Variants in ANKS1A observed in about 807,000 individuals in gnomAD.
The protein encoded by ANKS1A is ankyrin repeat and SAM domain-containing protein 1A.
A neutral mutation model predicts 120.3 loss-of-function variants in ANKS1A; 55 were observed. The ratio of observed to expected loss-of-function variants is 0.46; its 90% confidence interval spans 0.37 to 0.57. The LOEUF is 0.57. Ranked by LOEUF, ANKS1A falls within the 20% of genes least tolerant of loss-of-function variation. The probability of loss-of-function intolerance (pLI) is 0.00; values close to 1 mark genes in which losing one functional copy is unlikely to be tolerated. For synonymous variants in ANKS1A, 590 were observed against 604.7 expected (o/e 0.98, Z 0.36); for missense variants, 1,123 against 1,480.3 (o/e 0.76, Z 3.96).
At chr6:34,975,761 A>AT (rs1771540496) in intron 3 of ANKS1A, among the ~76,000 whole-genome samples, 1 of 152,012 alleles carries the variant, frequency 6.6e-6, no homozygotes, top group African/African-American at 2.4e-5. Flanking sequence ...CTCAAAAAAA[A>AT]AATAATAATA....
chr6:35,045,101 A>T (rs1775656721), intron 11 of ANKS1A, among the ~76,000 whole-genome samples: 1 of 152,246 alleles, frequency 6.6e-6, no homozygotes, highest in Admixed American at 6.5e-5. Flanking sequence ...ATCCATGCTT[A>T]CAGCAGCAAT....
intron 10 of ANKS1A, among the ~76,000 whole-genome samples, chr6:34,997,956 G>T (rs1055993177): frequency 1.3e-5 from 2 of 152,226 alleles, no homozygotes; most frequent in African/African-American, 4.8e-5. Flanking sequence ...GCTAAGTGTT[G>T]AGAGTGGGTG....
At chr6:34,956,919 T>C (rs1770401091) in intron 1 of ANKS1A, among the ~76,000 whole-genome samples, 1 of 152,194 alleles carries the variant, frequency 6.6e-6, no homozygotes, top group South Asian at 2.1e-4. Context: ...CACCTCTTTA[T>C]ACAGAATTTG....
At chr6:35,002,623 AT>A (rs776216996) in intron 10 of ANKS1A, among the ~76,000 whole-genome samples, 2 of 152,042 alleles carry the variant, frequency 1.3e-5, no homozygotes, top group Non-Finnish European at 2.9e-5. Flanking sequence ...CAGTCTCTAA[AT>A]GTTATGTTTG....
intron 3 of ANKS1A, among the ~76,000 whole-genome samples, chr6:34,975,698 A>G (rs1476074167): frequency 3.3e-5 from 5 of 152,052 alleles, no homozygotes; most frequent in Non-Finnish European, 5.9e-5. Flanking sequence ...CAGGAGGTTG[A>G]GGCTGCAGTG....
chr6:35,084,879 A>C lies in ANKS1A; in HGVS notation c.3132+621A>C, dbSNP rs1777882006. Among the ~76,000 whole-genome samples the C allele has an allele frequency of 6.6e-6, 1 of 152,216 alleles. No homozygotes were observed. The highest frequency in any genetic ancestry group is 2.4e-5 in the African/African-American group (1 of 41,460). On this transcript the variant is annotated intron_variant, in intron 21 of 23. Transcript: ENST00000360359. This position sits in a 1 kb window ranked among gnomAD's most constrained non-coding sequence, Gnocchi z 4.8. ...CCACAGGGAGCAGACCAGAACTGAC[A>C]GCCCACAGGCGGGGGTTCCCTCTAA...
At chr6:35,046,173 T>C (rs558164849) in intron 11 of ANKS1A, among the ~76,000 whole-genome samples, 128 of 152,266 alleles carry the variant, frequency 8.4e-4, no homozygotes, top group African/African-American at 2.3e-3. Context: ...TCCCAGGGTG[T>C]ACTCATCCTG....
intron 1 of ANKS1A, among the ~76,000 whole-genome samples, chr6:34,949,852 TG>T (rs1200286624): frequency 6.6e-6 from 1 of 152,224 alleles, no homozygotes; most frequent in East Asian, 1.9e-4. Context: ...TCAGAAGCAG[TG>T]GGGAGTAATT....
intron 10 of ANKS1A, among the ~76,000 whole-genome samples, chr6:35,004,057 C>A (rs941061866): frequency 6.6e-6 from 1 of 152,102 alleles, no homozygotes; most frequent in African/African-American, 2.4e-5. Context: ...TAAAACTTCC[C>A]GGTCTGTTCT....
intron 1 of ANKS1A, among the ~76,000 whole-genome samples, chr6:34,900,870 T>C (rs1368032836): frequency 6.6e-6 from 1 of 152,098 alleles, no homozygotes; most frequent in African/African-American, 2.4e-5. Context: ...GCAAATTCCC[T>C]GGAACACAGG....
intron 1 of ANKS1A, among the ~76,000 whole-genome samples, chr6:34,904,548 A>G (rs757886480): frequency 1.3e-5 from 2 of 152,102 alleles, no homozygotes; most frequent in African/African-American, 2.4e-5. Flanking sequence ...CCTGGCTAAC[A>G]TGGCGAAATC....
intron 1 of ANKS1A, among the ~76,000 whole-genome samples, chr6:34,907,998 C>T (rs1351988685): frequency 6.6e-6 from 1 of 152,010 alleles, no homozygotes; most frequent in East Asian, 1.9e-4. Context: ...ACAAGACTCA[C>T]CTGGGCAACA....
In ANKS1A at chr6:35,084,858, A is replaced by G. The variant is rs2762340; in HGVS notation, c.3132+600A>G. ...AGTTCATTCTCACACAGCTGCCCAC[A>G]GGGAGCAGACCAGAACTGACAGCCC... On this transcript the variant is annotated intron_variant, in intron 21 of 23. Coordinates refer to ENST00000360359, the MANE Select transcript of ANKS1A (RefSeq NM_015245.3). The surrounding 1 kb of genome is among the most constrained non-coding windows in gnomAD (Gnocchi z 4.8). 0.37 allele frequency among the ~76,000 whole-genome samples: 56,887 copies of G among 152,108 alleles called. 13,390 individuals are homozygous for G. The highest frequency in any genetic ancestry group is 0.5 in the Middle Eastern group (146 of 294).
At position 34,970,011 on chromosome 6, in the gene ANKS1A, G is replaced by C; in HGVS notation, c.280G>C (p.Asp94His). Residue 94 changes from aspartate to histidine, a missense_variant and splice_region_variant, in exon 3 of 24, where the codon GAT (aspartate) becomes CAT (histidine). Physicochemically the swap from Asp to His is moderately conservative, Grantham distance 81. Around this residue, in one of 3 missense-constraint regions of ANKS1A, gnomAD observed 146 missense variants for 267.8 expected, o/e 0.55. Transcript: ENST00000360359. ...LHHAALNGHK[D>H]VVEVLLRNDA... ...TCATGATTGATTTTTGCCTTCTAGG[G>C]ATGTGGTCGAGGTTCTTCTGAGGAA... 1 of 1,613,066 alleles carries C rather than the reference G, an allele frequency of 6.2e-7. No individual in the cohort carries two copies. The highest frequency in any genetic ancestry group is 1.3e-5 in the African/African-American group (1 of 74,986).
At chr6:34,985,488 C>G (rs752775392) in intron 8 of ANKS1A, among the ~76,000 whole-genome samples, 19 of 152,198 alleles carry the variant, frequency 1.2e-4, no homozygotes, top group Non-Finnish European at 1.9e-4. Context: ...GTTAGAGTTT[C>G]ATTTTTTCTA....
chr6:35,061,378 G>A (rs962416692), intron 13 of ANKS1A, among the ~76,000 whole-genome samples: 6 of 152,218 alleles, frequency 3.9e-5, no homozygotes, highest in East Asian at 1.9e-4. Flanking sequence ...CACCCGCTCC[G>A]AGGGGATCTC....
At chr6:34,978,462 C>T (rs1177700239) in intron 3 of ANKS1A, among the ~76,000 whole-genome samples, 1 of 152,170 alleles carries the variant, frequency 6.6e-6, no homozygotes, top group African/African-American at 2.4e-5. Flanking sequence ...TGTGCTGCTC[C>T]TTAGAATCCT....
intron 1 of ANKS1A, among the ~76,000 whole-genome samples, chr6:34,914,491 A>AT (rs1768065485): frequency 6.6e-6 from 1 of 152,116 alleles, no homozygotes; most frequent in Non-Finnish European, 1.5e-5. Flanking sequence ...TGTTCAGTGT[A>AT]TTTTTTTATT....
At chr6:35,011,956 T>A (rs1773778501) in intron 10 of ANKS1A, among the ~76,000 whole-genome samples, 1 of 152,170 alleles carries the variant, frequency 6.6e-6, no homozygotes, top group Non-Finnish European at 1.5e-5. Flanking sequence ...GTTTCAGAGC[T>A]GAGGAAGAAA....
Sources: allele counts gnomAD v4.1 joint callset (sites outside exome capture counted in the v4.1 genomes callset), GRCh38; gene constraint gnomAD v4.1.1; regional missense constraint gnomAD v4.1.1; non-coding constraint Gnocchi (gnomAD v3.1); transcripts MANE v1.5; gene names NCBI Gene and HGNC (gene_info 2026-07-23, HGNC 2026-07-21).